The following CAMTA1 variants were observed in gnomAD, a reference collection of about 807,000 sequenced individuals.
CAMTA1 encodes calmodulin binding transcription activator 1.
A neutral mutation model predicts 170.9 loss-of-function variants in CAMTA1; 27 were observed. That is an observed-to-expected ratio of 0.16 (90% confidence interval 0.12 to 0.22). The LOEUF (loss-of-function observed/expected upper bound fraction) is 0.22, where lower values mean the gene tolerates loss of function less well. CAMTA1 is among the 10% of genes least tolerant of loss of function. The pLI is 1.00. For synonymous variants in CAMTA1, 833 were observed against 891.5 expected, an observed-to-expected ratio of 0.93 and a Z score of 1.17; for missense variants, 1,619 against 2,217.2, an observed-to-expected ratio of 0.73 and a Z score of 5.42.
At chr1:7,672,300 G>C (rs1558101057) in intron 10 of CAMTA1, among the ~76,000 whole-genome samples, 1 of 152,002 alleles carries the variant, frequency 6.6e-6, no homozygotes, top group African/African-American at 2.4e-5. Flanking sequence ...GGTCCAGCCT[G>C]AGCCTTGGCT....
chr1:7,576,942 T>A (rs1160591931), intron 6 of CAMTA1, among the ~76,000 whole-genome samples: 1 of 152,178 alleles, frequency 6.6e-6, no homozygotes, highest in Non-Finnish European at 1.5e-5. Flanking sequence ...GCTCTGAAAG[T>A]GGAGAAAGGG....
chr1:7,310,793 C>T lies in CAMTA1; in HGVS notation c.438+61167C>T, dbSNP rs138058892. On this transcript the variant is annotated intron_variant, in intron 5 of 22. Coordinates refer to ENST00000303635, the MANE Select transcript of CAMTA1 (RefSeq NM_015215.4). ...TTGCCCAGGCTGGAGTGCAGTGACA[C>T]GATCTCAGCTCACTGCAACTTCCGC... is the stretch of plus-strand genomic sequence containing the variant. Among the ~76,000 whole-genome samples, 680 of 150,210 alleles carry T rather than the reference C, an allele frequency of 4.5e-3. 17 individuals are homozygous for T. The highest frequency in any genetic ancestry group is 0.036 in the Admixed American group (546 of 14,976).
At chr1:7,667,889 T>C (rs1330670622) in intron 9 of CAMTA1, among the ~76,000 whole-genome samples, 2 of 152,228 alleles carry the variant, frequency 1.3e-5, no homozygotes, top group African/African-American at 4.8e-5. Context: ...AGCTAGGCCC[T>C]TTGGGGCCCC....
Position 7,322,444 on chromosome 1 carries a change from T to G in CAMTA1, c.438+72818T>G, listed in dbSNP as rs149575903. Among the ~76,000 whole-genome samples, 7 of 152,376 alleles carry G rather than the reference T, an allele frequency of 4.6e-5. No homozygotes were observed. The East Asian group carries it at 1.3e-3, about 29-fold the overall frequency. ...TGTCTTTGTAGAAGGCAGCCAGAAA[T>G]GGTATGTAAATGAATGCGTGTGGCT... On this transcript the variant is annotated intron_variant, in intron 5 of 22. Coordinates refer to ENST00000303635, the MANE Select transcript of CAMTA1 (RefSeq NM_015215.4).
chr1:7,126,570 T>C (rs908821005), intron 4 of CAMTA1, among the ~76,000 whole-genome samples: 19 of 152,362 alleles, frequency 1.2e-4, no homozygotes, highest in Admixed American at 2.6e-4. Context: ...ATGATTCACA[T>C]TAAAAATACA....
chr1:7,031,021 T>A (rs1311437495), intron 3 of CAMTA1, among the ~76,000 whole-genome samples: 1 of 149,798 alleles, frequency 6.7e-6, no homozygotes, highest in Non-Finnish European at 1.5e-5. Flanking sequence ...TTTTTTTTTT[T>A]TTTTTTAGTA....
chr1:7,499,985 G>C (rs964142384), intron 6 of CAMTA1, among the ~76,000 whole-genome samples: 1 of 146,134 alleles, frequency 6.8e-6, no homozygotes, highest in Admixed American at 6.8e-5. Flanking sequence ...GCGTGCATAG[G>C]TATATGAGTG....
intron 3 of CAMTA1, among the ~76,000 whole-genome samples, chr1:7,059,196 G>C (rs1707836222): frequency 6.6e-6 from 1 of 152,186 alleles, no homozygotes; most frequent in African/African-American, 2.4e-5. Context: ...TTTGGGAGAA[G>C]GACTTCTTTG....
intron 6 of CAMTA1, among the ~76,000 whole-genome samples, chr1:7,507,812 C>A (rs1411828954): frequency 1.3e-5 from 2 of 152,220 alleles, no homozygotes; most frequent in African/African-American, 2.4e-5. Flanking sequence ...GCAGCCTCTG[C>A]CACCTGCGCC....
chr1:7,280,180 G>A (rs2149450520), intron 5 of CAMTA1, among the ~76,000 whole-genome samples: 1 of 152,346 alleles, frequency 6.6e-6, no homozygotes, highest in East Asian at 1.9e-4. Context: ...TTGCCCACCT[G>A]GGCACTGAGG....
In CAMTA1 at chr1:7,674,323, G is replaced by C. The variant is rs1278921278; in HGVS notation, c.2780-3276G>C. Among the ~76,000 whole-genome samples the C allele has an allele frequency of 6.8e-6, 1 of 147,864 alleles. No homozygotes were observed. The highest frequency in any genetic ancestry group is 1.5e-5 in the Non-Finnish European group (1 of 66,460). On this transcript the variant is annotated intron_variant, in intron 10 of 22. Transcript: ENST00000303635. This position sits in a 1 kb window ranked among gnomAD's most constrained non-coding sequence, Gnocchi z 4.1. ...GCAGGAGGGAGCCCACCAAGTTAGG[G>C]CAGTGAGCTGAGGGCAGTGAGCAGC...
At chr1:7,011,415 C>T (rs1417971927) in intron 3 of CAMTA1, among the ~76,000 whole-genome samples, 1 of 152,188 alleles carries the variant, frequency 6.6e-6, no homozygotes, top group Non-Finnish European at 1.5e-5. Context: ...TCTAGACCCT[C>T]AGCCCTGCCG....
chr1:6,797,588 T>C (rs1035416759), intron 1 of CAMTA1, among the ~76,000 whole-genome samples: 2 of 151,904 alleles, frequency 1.3e-5, no homozygotes, highest in African/African-American at 2.4e-5. Context: ...GGTTTTACCA[T>C]GTTGGCCAGG....
rs1025654305 is a variant in CAMTA1, at chr1:7,522,737, A to C, written c.510+54836A>C. ...TTTTGGTTTTGGCCTGTGGATATCC[A>C]ATTGCTCCAATACCATTTGTTGAAA... On this transcript the variant is annotated intron_variant, in intron 6 of 22. Coordinates refer to ENST00000303635, the MANE Select transcript of CAMTA1 (RefSeq NM_015215.4). Among the ~76,000 whole-genome samples the C allele has an allele frequency of 2.0e-5, 3 of 152,296 alleles. No homozygotes were observed. The East Asian group carries it at 5.8e-4, about 29-fold the overall frequency.
In CAMTA1 at chr1:7,113,195, A is replaced by T. The variant is rs1324933717; in HGVS notation, c.302+21824A>T. Among the ~76,000 whole-genome samples, 1 of 152,248 alleles carries T rather than the reference A, an allele frequency of 6.6e-6. No individual in the cohort carries two copies. Among genetic ancestry groups the T allele is most frequent in the Non-Finnish European group, 1.5e-5 (1 of 68,042 alleles). ...GGCCAGAATCATCCTTTTCTGTCAG[A>T]AGCCACAGACAGAGGCTGGATCAAC... On this transcript the variant is annotated intron_variant, in intron 4 of 22. Coordinates refer to ENST00000303635, the MANE Select transcript of CAMTA1 (RefSeq NM_015215.4). The surrounding 1 kb of genome is among the most constrained non-coding windows in gnomAD (Gnocchi z 4.5).
At chr1:7,095,408 C>T (rs551466299) in intron 4 of CAMTA1, among the ~76,000 whole-genome samples, 1 of 152,362 alleles carries the variant, frequency 6.6e-6, no homozygotes, top group South Asian at 2.1e-4. Context: ...TGAGCCAGCA[C>T]TGTGTTCTCT....
chr1:6,911,679 C>T (rs1298136880), intron 3 of CAMTA1, among the ~76,000 whole-genome samples: 5 of 152,230 alleles, frequency 3.3e-5, no homozygotes, highest in African/African-American at 1.2e-4. Context: ...TTTACCAAGT[C>T]CCCCAGAAAC....
In CAMTA1 at chr1:7,565,030, G is replaced by A. The variant is rs550845661; in HGVS notation, c.511-75370G>A. The stretch of plus-strand genomic sequence containing the variant: ...ACCACGAGATCAAGGTGGATGGGGG[G>A]TGGGAGCAGAAGGGCAAGGCCCCTC... On this transcript the variant is annotated intron_variant, in intron 6 of 22. Transcript: ENST00000303635. This position sits in a 1 kb window ranked among gnomAD's most constrained non-coding sequence, Gnocchi z 4.5. Among the ~76,000 whole-genome samples the A allele has an allele frequency of 1.3e-5, 2 of 152,072 alleles. No homozygotes were observed. Among genetic ancestry groups the A allele is most frequent in the South Asian group, 2.1e-4 (1 of 4,812 alleles).
chr1:7,221,123 GA>G (rs1660685190), intron 4 of CAMTA1, among the ~76,000 whole-genome samples: 1 of 152,220 alleles, frequency 6.6e-6, no homozygotes, highest in African/African-American at 2.4e-5. Flanking sequence ...TGGAACGCTG[GA>G]GGCAGTGCAG....
Sources: allele counts gnomAD v4.1 joint callset (sites outside exome capture counted in the v4.1 genomes callset), GRCh38; gene constraint gnomAD v4.1.1; non-coding constraint Gnocchi (gnomAD v3.1); transcripts MANE v1.5; gene names NCBI Gene and HGNC (gene_info 2026-07-23, HGNC 2026-07-21).